The following CFAP47 variants were observed in gnomAD, a reference collection of about 807,000 sequenced individuals.
CFAP47 encodes cilia and flagella associated protein 47, also known as cilia- and flagella-associated protein 47.
CFAP47 carries 29 observed loss-of-function variants against 148.1 expected under a neutral mutation model. The observed-to-expected ratio is 0.20, with a 90% CI of 0.15 to 0.27. The LOEUF is 0.27. CFAP47 is among the 10% of genes least tolerant of loss of function. CFAP47 has a pLI of 1.00. For missense variants in CFAP47, 1,872 were observed against 1,697.5 expected (o/e 1.10, Z -1.81); for synonymous variants, 664 against 577.3 (o/e 1.15, Z -2.15).
chrX:36,291,895 C>T (rs1332334928), intron 51 of CFAP47, among the ~76,000 whole-genome samples: 1 of 110,938 alleles, frequency 9.0e-6, no homozygotes, highest in Non-Finnish European at 1.9e-5. Context: ...CACACATATA[C>T]GGCGGGGGAG....
intron 45 of CFAP47, among the ~76,000 whole-genome samples, chrX:36,208,341 G>A (rs1452008674): frequency 3.6e-5 from 4 of 110,676 alleles, no homozygotes; most frequent in Non-Finnish European, 7.6e-5. Flanking sequence ...TCATCCCTCA[G>A]TATGCACAGG....
intron 49 of CFAP47, among the ~76,000 whole-genome samples, chrX:36,276,872 T>C (rs782643838): frequency 8.9e-6 from 1 of 111,975 alleles, no homozygotes; most frequent in South Asian, 3.7e-4. Flanking sequence ...GATGGTGATC[T>C]TGAGTCTAGT....
At position 35,972,474 on chromosome X, in the gene CFAP47, C is replaced by T. The variant is rs1248521570; in HGVS notation, c.2254+509C>T. On this transcript the variant is annotated intron_variant, in intron 13 of 63. Coordinates refer to ENST00000378653, the MANE Select transcript of CFAP47 (RefSeq NM_001304548.2). ...CTTGAACTTCTGACCTCAAGTGACC[C>T]ACCAGCCTTGGTCTCCCCAAATGCT... Among the ~76,000 whole-genome samples, 3 of 111,112 alleles carry T rather than the reference C, an allele frequency of 2.7e-5. No individual in the cohort carries two copies. The East Asian group carries it at 8.5e-4, about 31-fold the overall frequency.
intron 38 of CFAP47, among the ~76,000 whole-genome samples, chrX:36,160,079 A>G (rs1457967847): frequency 8.9e-6 from 1 of 111,837 alleles, no homozygotes; most frequent in African/African-American, 3.2e-5. Flanking sequence ...CCAGATTTCC[A>G]AATGGATTAT....
At chrX:36,008,466 T>C (rs746619881) in intron 21 of CFAP47, among the ~76,000 whole-genome samples, 1 of 110,782 alleles carries the variant, frequency 9.0e-6, no homozygotes, top group South Asian at 3.9e-4. Flanking sequence ...AGGGTCCTTA[T>C]CTGTTAAAAA....
In CFAP47 at chrX:36,348,216, T is replaced by A; in HGVS notation, c.8531T>A (p.Ile2844Asn). 9.4e-7 allele frequency: 1 copy of A among 1,061,025 alleles called. No individual in the cohort carries two copies. The highest frequency in any genetic ancestry group is 1.2e-6 in the Non-Finnish European group (1 of 817,252). 87.4% of individuals were successfully genotyped at this position (1,061,025 alleles called of 1,213,427 possible). ...IMKLHKTMVI[I>N]EMTKANGKYW... ...AAATTACACAAAACAATGGTTATTA[T>A]TGAGATGACGAAAGCAAATGGAAAA... The change falls in exon 58 of 64, where the codon ATT (isoleucine) becomes AAT (asparagine). Residue 2844 changes from isoleucine (I) to asparagine (N), a missense_variant. Physicochemically the swap from Ile to Asn is moderately radical, Grantham distance 149. Transcript: ENST00000378653.
chrX:36,150,071 C>T lies in CFAP47; in HGVS notation c.5786+848C>T, dbSNP rs1417535852. 2.7e-5 allele frequency among the ~76,000 whole-genome samples: 3 copies of T among 110,935 alleles called. No individual in the cohort carries two copies. In the Admixed American group the frequency reaches 2.9e-4, roughly 11 times the overall value. ...CCATTTTTCTCTGTGCCCTCATAGT[C>T]ATTGTGTATGTGTGTGTAAATGATG... On this transcript the variant is annotated intron_variant, in intron 37 of 63. Transcript: ENST00000378653.
chrX:36,000,394 C>A lies in CFAP47; in HGVS notation c.3289C>A (p.Pro1097Thr). ...AGTGGAGTTTAATCTAAAAGACTTT[C>A]CGGATTTTTCAATGGATCTTAAAGA... ...ARVEFNLKDF[P>T]DFSMDLKDKS... is the part of the protein sequence containing the mutation. Residue 1097 changes from proline to threonine, a missense_variant, in exon 20 of 64, where the codon CCG becomes ACG. Physicochemically the swap from Pro to Thr is conservative, Grantham distance 38. Coordinates refer to ENST00000378653, the MANE Select transcript of CFAP47 (RefSeq NM_001304548.2). 3.4e-6 allele frequency: 1 copy of A among 295,310 alleles called. No individual in the cohort carries two copies. Among genetic ancestry groups the A allele is most frequent in the Non-Finnish European group, 5.9e-6 (1 of 168,997 alleles). 24.3% of individuals were successfully genotyped at this position (295,310 alleles called of 1,213,427 possible).
At chrX:35,938,497 A>T (rs1025508072) in intron 2 of CFAP47, among the ~76,000 whole-genome samples, 3 of 111,146 alleles carry the variant, frequency 2.7e-5, no homozygotes, top group African/African-American at 9.9e-5. Context: ...AAGTTTGACG[A>T]GTTTTTTTTT....
At chrX:36,113,556 T>G (rs1164205993) in intron 33 of CFAP47, among the ~76,000 whole-genome samples, 2 of 111,347 alleles carry the variant, frequency 1.8e-5, no homozygotes, top group African/African-American at 6.5e-5. Flanking sequence ...AATCTGACAA[T>G]TATGTGTCTT....
At chrX:36,041,632 T>C (rs995376242) in intron 25 of CFAP47, among the ~76,000 whole-genome samples, 1 of 111,706 alleles carries the variant, frequency 9.0e-6, no homozygotes, top group South Asian at 3.7e-4. Flanking sequence ...GGCTAAACTG[T>C]GTTATGAGAA....
At position 35,997,325 on chromosome X, in the gene CFAP47, A is replaced by G. The variant is rs1183941476; in HGVS notation, c.3113A>G (p.His1038Arg). 1 of 293,574 alleles carries G rather than the reference A, an allele frequency of 3.4e-6. No individual in the cohort carries two copies. Among genetic ancestry groups the G allele is most frequent in the East Asian group, 4.8e-5 (1 of 20,801 alleles). 24.2% of individuals were successfully genotyped at this position (293,574 alleles called of 1,213,427 possible). ...FDTRAKVSIR[H>R]ANVIDLRIGG... ...CTCCTAAATAAGGTTTCTATTCGTCATGCGAATGTTATAGACCTTAGGATT... is the reference window on the plus strand; with the variant it reads ...CTCCTAAATAAGGTTTCTATTCGTCGTGCGAATGTTATAGACCTTAGGATT... Residue 1038 changes from histidine (H) to arginine (R), a missense_variant, in exon 19 of 64, where the codon CAT becomes CGT. Physicochemically the swap from His to Arg is conservative, Grantham distance 29 (BLOSUM62 0). Coordinates refer to ENST00000378653, the MANE Select transcript of CFAP47 (RefSeq NM_001304548.2).
rs782804695 is a variant in CFAP47, at chrX:36,339,229, T to C, written c.8444-8900T>C. Among the ~76,000 whole-genome samples, 5 of 97,200 alleles carry C rather than the reference T, an allele frequency of 5.1e-5. No individual in the cohort carries two copies. The East Asian group carries it at 9.4e-4, about 18-fold the overall frequency. The allele number at this position is 97,200 out of a possible 115,157, so 84.4% of individuals were successfully genotyped here. A position where few individuals can be genotyped will look rare whatever the true frequency, so the allele number is the denominator to read the frequency against. Reference sequence around the variant, plus strand: ...TGTATATTATATTAGCTTCCTTTTTTATATGAAGAAAATCTCACTTATAAA... The same window carrying C: ...TGTATATTATATTAGCTTCCTTTTTCATATGAAGAAAATCTCACTTATAAA... On this transcript the variant is annotated intron_variant, in intron 57 of 63. Coordinates refer to ENST00000378653, the MANE Select transcript of CFAP47 (RefSeq NM_001304548.2).
intron 2 of CFAP47, among the ~76,000 whole-genome samples, chrX:35,928,125 A>T (rs113732316): frequency 0.039 from 4,233 of 109,211 alleles, 204 homozygotes; most frequent in African/African-American, 0.13. Context: ...CTGTACAAGT[A>T]TTGTCTGAGC....
chrX:36,356,456 C>T (rs966617383), intron 60 of CFAP47, among the ~76,000 whole-genome samples: 2 of 111,183 alleles, frequency 1.8e-5, no homozygotes, highest in African/African-American at 6.5e-5. Flanking sequence ...AAGGAATCGA[C>T]CTCATTGTCT....
At chrX:36,276,616 G>A (rs1461366891) in intron 49 of CFAP47, among the ~76,000 whole-genome samples, 2 of 111,615 alleles carry the variant, frequency 1.8e-5, no homozygotes, top group Admixed American at 9.6e-5. Flanking sequence ...GTCAGTGTCA[G>A]GTATGTTTTG....
intron 16 of CFAP47, among the ~76,000 whole-genome samples, chrX:35,990,446 C>T (rs1263905963): frequency 9.0e-6 from 1 of 110,942 alleles, no homozygotes; most frequent in African/African-American, 3.3e-5. Flanking sequence ...TGCACTAGTT[C>T]TGTGAGGTGC....
rs1458663081 is a variant in CFAP47, at chrX:35,955,978, G to C, written c.1192G>C (p.Val398Leu). 2 of 1,209,397 alleles carry C rather than the reference G, an allele frequency of 1.7e-6. No homozygotes were observed. Among genetic ancestry groups the C allele is most frequent in the Non-Finnish European group, 2.2e-6 (2 of 894,880 alleles). ...KTIKSERFQK[V>L]ELALTGTGLP... ...TTTTACAGGTGAACGATTTCAGAAA[G>C]TGGAATTAGCACTGACAGGCACAGG... Residue 398 changes from valine to leucine, a missense_variant, in exon 8 of 64, where the codon GTG becomes CTG. Coordinates refer to ENST00000378653, the MANE Select transcript of CFAP47 (RefSeq NM_001304548.2).
intron 21 of CFAP47, among the ~76,000 whole-genome samples, chrX:36,005,246 C>A (rs781743201): frequency 1.8e-5 from 2 of 110,690 alleles, no homozygotes; most frequent in East Asian, 2.8e-4. Flanking sequence ...ATTTGATCTT[C>A]TATTCTTATT....
Sources: gnomAD v4.1 joint callset for allele counts (sites outside exome capture counted in the v4.1 genomes callset) on GRCh38, gnomAD v4.1.1 for gene constraint, MANE v1.5 for transcripts, NCBI Gene and HGNC (gene_info 2026-07-23, HGNC 2026-07-21) for gene names.